STK32B: variants seen among roughly 807,000 people sequenced by gnomAD.
STK32B encodes the protein serine/threonine kinase 32B, also known as serine/threonine-protein kinase 32B.
A neutral mutation model predicts 52.6 loss-of-function variants in STK32B; 43 were observed. That is an observed-to-expected ratio of 0.82 (90% confidence interval 0.64 to 1.05). The LOEUF (loss-of-function observed/expected upper bound fraction) is 1.05, where lower values mean the gene tolerates loss of function less well. Among genes scored for constraint, STK32B ranks in the 50% least tolerant of loss-of-function variants. STK32B has a pLI of 0.00. For synonymous variants in STK32B, 238 were observed against 204.3 expected, an observed-to-expected ratio of 1.17 and a Z score of -1.41; for missense variants, 621 against 534.6, an observed-to-expected ratio of 1.16 and a Z score of -1.59.
intron 11 of STK32B, among the ~76,000 whole-genome samples, chr4:5,468,560 C>T (rs1250251880): frequency 6.6e-6 from 1 of 152,144 alleles, no homozygotes; most frequent in Non-Finnish European, 1.5e-5. Context: ...AAGGGGTTCT[C>T]AACACGGCAA....
chr4:5,348,647 A>G lies in STK32B; in HGVS notation c.434+17254A>G, dbSNP rs1733628979. ...GATTACAGCTGCTGCCGCTAACAGC[A>G]TCCCCACACTACTCAGTAACAGAGC... On this transcript the variant is annotated intron_variant, in intron 4 of 11. Coordinates refer to ENST00000282908, the MANE Select transcript of STK32B (RefSeq NM_018401.3). Among the ~76,000 whole-genome samples, 5 of 152,176 alleles carry G rather than the reference A, an allele frequency of 3.3e-5. No individual in the cohort carries two copies. In the South Asian group the frequency reaches 1.0e-3, roughly 32 times the overall value.
At chr4:5,323,063 G>T (rs911269294) in intron 3 of STK32B, among the ~76,000 whole-genome samples, 5 of 152,096 alleles carry the variant, frequency 3.3e-5, no homozygotes, top group Non-Finnish European at 4.4e-5. Flanking sequence ...GGTTAGTTGG[G>T]ACAAGTGTTA....
At chr4:5,056,544 G>T (rs1742012903) in intron 1 of STK32B, among the ~76,000 whole-genome samples, 1 of 152,344 alleles carries the variant, frequency 6.6e-6, no homozygotes, top group East Asian at 1.9e-4. Context: ...TTCATTCCTG[G>T]ATTCTGTGCT....
chr4:5,333,182 G>T (rs1732393187), intron 4 of STK32B, among the ~76,000 whole-genome samples: 1 of 152,036 alleles, frequency 6.6e-6, no homozygotes, highest in Admixed American at 6.6e-5. Flanking sequence ...TTTAATGATT[G>T]CCATTCTAAC....
intron 1 of STK32B, among the ~76,000 whole-genome samples, chr4:5,054,702 C>G (rs1405140676): frequency 1.3e-5 from 2 of 152,184 alleles, no homozygotes; most frequent in Non-Finnish European, 2.9e-5. Flanking sequence ...GTCCAGTGAA[C>G]AAGCTCTCCC....
chr4:5,316,522 C>T (rs1244754625), intron 3 of STK32B, among the ~76,000 whole-genome samples: 6 of 196 alleles, frequency 0.031, no homozygotes, highest in African/African-American at 0.071. Flanking sequence ...ATATATATTA[C>T]ATATATAATA....
chr4:5,368,815 A>G (rs918483999), intron 4 of STK32B, among the ~76,000 whole-genome samples: 6 of 152,198 alleles, frequency 3.9e-5, no homozygotes, highest in African/African-American at 1.4e-4. Context: ...AAGCCCAGCT[A>G]AATGCTTTCA....
chr4:5,425,359 G>A (rs1227166271), intron 6 of STK32B, among the ~76,000 whole-genome samples: 2 of 152,168 alleles, frequency 1.3e-5, no homozygotes, highest in Non-Finnish European at 2.9e-5. Context: ...TATTATTGAG[G>A]CCAGGGAAAG....
chr4:5,487,873 T>C (rs1312629883), intron 11 of STK32B, among the ~76,000 whole-genome samples: 1 of 152,182 alleles, frequency 6.6e-6, no homozygotes, highest in Non-Finnish European at 1.5e-5. Flanking sequence ...TGAACCTTCT[T>C]TGTGGCCCAC....
intron 4 of STK32B, among the ~76,000 whole-genome samples, chr4:5,353,619 C>T (rs190044505): frequency 6.6e-6 from 1 of 151,488 alleles, no homozygotes; most frequent in African/African-American, 2.4e-5. Flanking sequence ...ATAAAAATGA[C>T]CAACAGGTAT....
intron 1 of STK32B, among the ~76,000 whole-genome samples, chr4:5,135,063 T>A (rs948959040): frequency 2.6e-5 from 4 of 152,206 alleles, no homozygotes; most frequent in African/African-American, 9.7e-5. Context: ...TCACCATCAA[T>A]AACTAATTAG....
At chr4:5,461,111 G>A (rs956161676) in intron 9 of STK32B, among the ~76,000 whole-genome samples, 1 of 152,174 alleles carries the variant, frequency 6.6e-6, no homozygotes, top group African/African-American at 2.4e-5. Context: ...GAGCACCTGA[G>A]GAATAGTGAC....
At chr4:5,348,837 A>G (rs1425192298) in intron 4 of STK32B, among the ~76,000 whole-genome samples, 1 of 152,152 alleles carries the variant, frequency 6.6e-6, no homozygotes, top group Non-Finnish European at 1.5e-5. Flanking sequence ...CATGCAGCCA[A>G]GGGACCTGGG....
chr4:5,124,728 ATGTG>A (rs1232829563), intron 1 of STK32B, among the ~76,000 whole-genome samples: 8 of 152,114 alleles, frequency 5.3e-5, no homozygotes, highest in South Asian at 2.1e-4. Flanking sequence ...ACCTGTATGC[ATGTG>A]TGTATGTGTG....
At chr4:5,200,380 T>G (rs1432311668) in intron 3 of STK32B, among the ~76,000 whole-genome samples, 1 of 152,136 alleles carries the variant, frequency 6.6e-6, no homozygotes, top group East Asian at 1.9e-4. Context: ...TAAAGTCATT[T>G]GCTGAACTGG....
chr4:5,255,872 A>G (rs138291091), intron 3 of STK32B, among the ~76,000 whole-genome samples: 3,780 of 152,282 alleles, frequency 0.025, 72 homozygotes, highest in Non-Finnish European at 0.04. Flanking sequence ...CTATGAATAA[A>G]GCTGCTGTGC....
At chr4:5,128,861 A>G (rs750134537) in intron 1 of STK32B, among the ~76,000 whole-genome samples, 1 of 152,218 alleles carries the variant, frequency 6.6e-6, no homozygotes, top group Non-Finnish European at 1.5e-5. Flanking sequence ...TGCTCTAATC[A>G]GAGCCATGAA....
rs1717543563 is a variant in STK32B, at chr4:5,467,577, A to G, written c.1042-429A>G. Among the ~76,000 whole-genome samples, 1 of 152,144 alleles carries G rather than the reference A, an allele frequency of 6.6e-6. No individual in the cohort carries two copies. The highest frequency in any genetic ancestry group is 1.5e-5 in the Non-Finnish European group (1 of 68,026). On this transcript the variant is annotated intron_variant, in intron 10 of 11. Transcript: ENST00000282908. This position sits in a 1 kb window ranked among gnomAD's most constrained non-coding sequence, Gnocchi z 5.8. ...TATTTCCAAATAACGTCATGTTTATAAGTACTGGGGGGCTGGGACTCAAGA... is the reference window on the plus strand; with the variant it reads ...TATTTCCAAATAACGTCATGTTTATGAGTACTGGGGGGCTGGGACTCAAGA...
intron 2 of STK32B, among the ~76,000 whole-genome samples, chr4:5,151,086 T>C (rs534571922): frequency 7.9e-5 from 12 of 152,198 alleles, no homozygotes; most frequent in Non-Finnish European, 1.6e-4. Flanking sequence ...GAAAATTTAA[T>C]GGATCTTTTG....
Sources: allele counts gnomAD v4.1 joint callset (sites outside exome capture counted in the v4.1 genomes callset), GRCh38; gene constraint gnomAD v4.1.1; non-coding constraint Gnocchi (gnomAD v3.1); transcripts MANE v1.5; gene names NCBI Gene and HGNC (gene_info 2026-07-23, HGNC 2026-07-21).